STON2: variants seen among roughly 807,000 people sequenced by gnomAD.
STON2 encodes stonin 2.
STON2 carries 29 observed loss-of-function variants against 65.7 expected under a neutral mutation model. The observed-to-expected ratio is 0.44, with a 90% confidence interval of 0.33 to 0.60. The LOEUF (loss-of-function observed/expected upper bound fraction) is 0.60. Among genes scored for constraint, STON2 ranks in the 20% least tolerant of loss-of-function variants. The pLI is 0.03. For synonymous variants in STON2, 404 were observed against 414.2 expected, an observed-to-expected ratio of 0.98 and a Z score of 0.30; for missense variants, 1,054 against 1,118.1, an observed-to-expected ratio of 0.94 and a Z score of 0.82.
chr14:81,273,663 T>C (rs1467119748), intron 6 of STON2, among the ~76,000 whole-genome samples: 1 of 151,898 alleles, frequency 6.6e-6, no homozygotes, highest in Non-Finnish European at 1.5e-5. Flanking sequence ...GGAGTCACGT[T>C]GGAATTCAAA....
intron 4 of STON2, among the ~76,000 whole-genome samples, chr14:81,352,346 G>A (rs1158160274): frequency 6.6e-6 from 1 of 152,160 alleles, no homozygotes; most frequent in African/African-American, 2.4e-5. Context: ...TACTGCTAAT[G>A]TTACTGTGGT....
Position 81,398,333 on chromosome 14 carries a change from G to A in STON2, c.50C>T (p.Ser17Phe), listed in dbSNP as rs774201401. 6.2e-7 allele frequency: 1 copy of A among 1,614,068 alleles called. No individual in the cohort carries two copies. Among genetic ancestry groups the A allele is most frequent in the South Asian group, 1.1e-5 (1 of 91,074 alleles). Residue 17 changes from serine to phenylalanine, a missense_variant, in exon 2 of 8, where the codon TCC (serine) becomes TTC (phenylalanine). Ser to Phe is a radical substitution (Grantham distance 155, BLOSUM62 -2). Transcript: ENST00000614646. ...VIATHQSEWV[S>F]FNEEPPFPAH... Reference sequence around the variant, plus strand: ...AGGAAAGGGTGGCTCTTCATTGAAGGAGACCCATTCTGACTGGTGGGTGGC... The same window carrying A: ...AGGAAAGGGTGGCTCTTCATTGAAGAAGACCCATTCTGACTGGTGGGTGGC...
chr14:81,396,298 G>C, intron 2 of STON2, 120 bp from the exon 3 acceptor site: 1 of 895,358 alleles, frequency 1.1e-6, no homozygotes, highest in Non-Finnish European at 1.7e-6. Flanking sequence ...TGCAGTGAGT[G>C]GGGAGAAGAA....
chr14:81,265,113 C>T lies in STON2; in HGVS notation c.*3301G>A. On this transcript the variant is annotated 3_prime_UTR_variant, in exon 8 of 8. Transcript: ENST00000614646. ...AATAAAAAGTCCAGGTCCAGGGTTG[C>T]AAAAGTAGAATCTGCATATCCACAG... 1.0e-6 allele frequency: 1 copy of T among 984,278 alleles called. No homozygotes were observed. The highest frequency in any genetic ancestry group is 1.2e-6 in the Non-Finnish European group (1 of 829,768). The allele number at this position is 984,278 out of a possible 1,614,324, so 61.0% of individuals were successfully genotyped here.
intron 5 of STON2, among the ~76,000 whole-genome samples, chr14:81,316,395 T>C (rs1896621011): frequency 6.6e-6 from 1 of 152,236 alleles, no homozygotes; most frequent in African/African-American, 2.4e-5. Context: ...AATCTCACAT[T>C]GTTAAACACC....
intron 5 of STON2, among the ~76,000 whole-genome samples, chr14:81,311,559 G>C (rs1162709252): frequency 6.6e-6 from 1 of 152,174 alleles, no homozygotes; most frequent in East Asian, 1.9e-4. Flanking sequence ...TCCTATGACA[G>C]AGACATTCTA....
intron 5 of STON2, among the ~76,000 whole-genome samples, chr14:81,310,444 T>C (rs952310320): frequency 6.6e-6 from 1 of 152,108 alleles, no homozygotes; most frequent in African/African-American, 2.4e-5. Context: ...GATGGACCAG[T>C]GTGAGCAGCA....
At chr14:81,366,962 C>G (rs1898762780) in intron 4 of STON2, among the ~76,000 whole-genome samples, 1 of 152,070 alleles carries the variant, frequency 6.6e-6, no homozygotes, top group Non-Finnish European at 1.5e-5. Context: ...AAATGACTTA[C>G]CCGGAGGACA....
chr14:81,412,943 A>G (rs1243941786), intron 2 of STON2: 3 of 810,418 alleles, frequency 3.7e-6, no homozygotes, highest in Admixed American at 2.0e-5. Flanking sequence ...CGTTGCAGTC[A>G]GCCAGCCCCC....
At chr14:81,274,805 T>TGATGCAGGAGAATCGCTTG (rs1894743420) in intron 6 of STON2, among the ~76,000 whole-genome samples, 1 of 152,040 alleles carries the variant, frequency 6.6e-6, no homozygotes, top group Non-Finnish European at 1.5e-5. Flanking sequence ...CTCAGAAGAC[T>TGATGCAGGAGAATCGCTTG]GATGCAGGAG....
chr14:81,286,702 C>T (rs1895346632), intron 5 of STON2, among the ~76,000 whole-genome samples: 1 of 152,150 alleles, frequency 6.6e-6, no homozygotes, highest in Admixed American at 6.5e-5. Flanking sequence ...ACTGTACAAC[C>T]AGCCACAGAT....
chr14:81,339,892 C>T (rs1018670460), intron 4 of STON2, among the ~76,000 whole-genome samples: 14 of 152,312 alleles, frequency 9.2e-5, no homozygotes, highest in East Asian at 3.9e-4. Context: ...TGGTGGCTCA[C>T]GCCTGTAATC....
At chr14:81,287,948 C>T (rs752099134) in intron 5 of STON2, among the ~76,000 whole-genome samples, 6 of 152,198 alleles carry the variant, frequency 3.9e-5, no homozygotes, top group Admixed American at 6.5e-5. Context: ...GACTCCATTA[C>T]GACACCTTGC....
At position 81,351,673 on chromosome 14, in the gene STON2, A is replaced by T. The variant is rs570552419; in HGVS notation, c.571+19315T>A. Among the ~76,000 whole-genome samples the T allele has an allele frequency of 5.9e-5, 9 of 152,386 alleles. No individual in the cohort carries two copies. The South Asian group carries it at 1.9e-3, about 32-fold the overall frequency. On this transcript the variant is annotated intron_variant, in intron 4 of 7. Coordinates refer to ENST00000614646, the MANE Select transcript of STON2 (RefSeq NM_001394390.1). The stretch of plus-strand genomic sequence containing the variant: ...AAAGAGTTTGATAGAGATTCTGTCC[A>T]TTCAAAATGTGAAATCCCTTTTAAA...
intron 1 of STON2, among the ~76,000 whole-genome samples, chr14:81,427,890 T>TA (rs1902061134): frequency 6.6e-6 from 1 of 152,158 alleles, no homozygotes; most frequent in African/African-American, 2.4e-5. Context: ...TGCTTCCAGA[T>TA]ACCACAGTGA....
chr14:81,324,663 C>A (rs1324285946), intron 4 of STON2, among the ~76,000 whole-genome samples: 1 of 152,216 alleles, frequency 6.6e-6, no homozygotes, highest in East Asian at 1.9e-4. Flanking sequence ...GGATTCTCAA[C>A]AGTCTCCCAG....
intron 2 of STON2, among the ~76,000 whole-genome samples, chr14:81,418,833 T>A (rs1404737549): frequency 6.6e-6 from 1 of 152,326 alleles, no homozygotes; most frequent in Middle Eastern, 3.4e-3. Flanking sequence ...GGAAATACAC[T>A]TAGGTAGTCT....
intron 4 of STON2, among the ~76,000 whole-genome samples, chr14:81,346,500 C>A (rs941703968): frequency 2.0e-5 from 3 of 152,128 alleles, no homozygotes; most frequent in Non-Finnish European, 4.4e-5. Context: ...CTTTCTATAG[C>A]CACATTTCAT....
At chr14:81,405,460 G>GTTTTTTTTTTTTTTTTTTTTTTT (rs376505307) in intron 2 of STON2, among the ~76,000 whole-genome samples, 1 of 63,314 alleles carries the variant, frequency 1.6e-5, no homozygotes, top group African/African-American at 5.1e-5. Context: ...AGTTACTATT[G>GTTTTTTTTTTTTTTTTTTTTTTT]TTTTTTTTTT....
Sources: allele counts gnomAD v4.1 joint callset (sites outside exome capture counted in the v4.1 genomes callset), GRCh38; gene constraint gnomAD v4.1.1; transcripts MANE v1.5; gene names NCBI Gene and HGNC (gene_info 2026-07-23, HGNC 2026-07-21).